Variants in SGSM2 observed in about 807,000 individuals in gnomAD.
SGSM2 encodes the protein small G protein signaling modulator 2.
In SGSM2, 89 loss-of-function variants were observed where a neutral mutation model predicts 126.6. The ratio of observed to expected loss-of-function variants is 0.70; its 90% CI spans 0.59 to 0.84. SGSM2 has a LOEUF of 0.84. Among genes scored for constraint, SGSM2 ranks in the 40% least tolerant of loss-of-function variants. The pLI is 0.00. For missense variants in SGSM2, 1,404 were observed against 1,416.6 expected (o/e 0.99, Z 0.14); for synonymous variants, 614 against 574.3 (o/e 1.07, Z -0.99).
intron 2 of SGSM2, among the ~76,000 whole-genome samples, chr17:2,352,540 T>C (rs1298711052): frequency 1.3e-5 from 2 of 152,254 alleles, no homozygotes; most frequent in East Asian, 3.9e-4. Context: ...CATGTTGAGT[T>C]GTGCTAACTC....
At chr17:2,366,131 G>A (rs369097753) in intron 11 of SGSM2, among the ~76,000 whole-genome samples, 1 of 152,194 alleles carries the variant, frequency 6.6e-6, no homozygotes, top group South Asian at 2.1e-4. Flanking sequence ...AGCGTTAGCT[G>A]AAGTAGCAGG....
At position 2,372,590 on chromosome 17, in the gene SGSM2, G is replaced by A; in HGVS notation, c.1788+102G>A. ...GCCAGTGGGTGCGGTTGACAGGCCA[G>A]GGCCGATGCCACGGAGTGACCAGGG... On this transcript the variant is annotated intron_variant, in intron 15 of 23. Coordinates refer to ENST00000268989, the MANE Select transcript of SGSM2 (RefSeq NM_014853.3). The surrounding 1 kb of genome is among the most constrained non-coding windows in gnomAD (Gnocchi z 6.0). 6.8e-7 allele frequency: 1 copy of A among 1,462,512 alleles called. No individual in the cohort carries two copies. Among genetic ancestry groups the A allele is most frequent in the Non-Finnish European group, 9.3e-7 (1 of 1,077,532 alleles). The allele number at this position is 1,462,512 out of a possible 1,614,324, so 90.6% of individuals were successfully genotyped here. A position where few individuals can be genotyped will look rare whatever the true frequency, so the allele number is the denominator to read the frequency against.
At chr17:2,378,083 C>T (rs2066261161) in intron 22 of SGSM2, 130 bp downstream of exon 22, 2 of 580,094 alleles carry the variant, frequency 3.4e-6, no homozygotes, top group Admixed American at 5.6e-5. Flanking sequence ...TGCCAGAACC[C>T]TGGCCCCACC....
intron 11 of SGSM2, among the ~76,000 whole-genome samples, chr17:2,365,709 C>A (rs1005525769): frequency 4.6e-5 from 7 of 151,960 alleles, no homozygotes; most frequent in African/African-American, 1.7e-4. Flanking sequence ...CTCCCCAACC[C>A]CTACAAGACA....
chr17:2,338,872 A>G (rs1288979200), intron 1 of SGSM2, among the ~76,000 whole-genome samples: 1 of 149,794 alleles, frequency 6.7e-6, no homozygotes, highest in Non-Finnish European at 1.5e-5. Flanking sequence ...CAGCCTGGCC[A>G]ATATAGTGAA....
Position 2,380,079 on chromosome 17 carries a change from C to T in SGSM2, c.*559C>T, listed in dbSNP as rs542125459. 58 of 1,405,144 alleles carry T rather than the reference C, an allele frequency of 4.1e-5. No homozygotes were observed. Among genetic ancestry groups the T allele is most frequent in the African/African-American group, 5.8e-5 (4 of 68,410 alleles). 87.0% of individuals were successfully genotyped at this position (1,405,144 alleles called of 1,614,324 possible). On this transcript the variant is annotated 3_prime_UTR_variant, in exon 24 of 24. Coordinates refer to ENST00000268989, the MANE Select transcript of SGSM2 (RefSeq NM_014853.3). The stretch of plus-strand genomic sequence containing the variant: ...CGGGAGACCCGGGCCGCCTTCAGGC[C>T]GCTCCCCCGAGATTCTGGGGCAGTC...
At position 2,373,532 on chromosome 17, in the gene SGSM2, G is replaced by A. The variant is rs201147427; in HGVS notation, c.2100+19G>A. On this transcript the variant is annotated intron_variant, in intron 17 of 23. Transcript: ENST00000268989. ...CAACGATGTGAGCCAGACGGGACCT[G>A]GAGGGTTGGGGGTCTCGGGGGCCAC... The A allele has an allele frequency of 1.2e-5, 19 of 1,583,890 alleles. No homozygotes were observed. The African/African-American group carries it at 1.3e-4, about 11-fold the overall frequency.
At chr17:2,342,271 A>G (rs928032781) in intron 1 of SGSM2, among the ~76,000 whole-genome samples, 1 of 151,570 alleles carries the variant, frequency 6.6e-6, no homozygotes. Flanking sequence ...CAAAAAAAAA[A>G]AAAAAAGCCA....
Position 2,373,097 on chromosome 17 carries a change from T to C in SGSM2, c.1917+16T>C, listed in dbSNP as rs1278462076. On this transcript the variant is annotated intron_variant, in intron 16 of 23. Transcript: ENST00000268989. ...GATGGAGCAGGTGAGGGGAGCCTGT[T>C]CCCATGGGGCTGATGAGATGGGGAG... The C allele has an allele frequency of 6.3e-7, 1 of 1,595,182 alleles. No individual in the cohort carries two copies. Among genetic ancestry groups the C allele is most frequent in the Non-Finnish European group, 8.5e-7 (1 of 1,172,508 alleles).
rs2064157143 is a variant in SGSM2, at chr17:2,337,954, G to C, written c.57+209G>C. 6.6e-6 allele frequency among the ~76,000 whole-genome samples: 1 copy of C among 152,016 alleles called. No individual in the cohort carries two copies. The highest frequency in any genetic ancestry group is 2.1e-4 in the South Asian group (1 of 4,832). The stretch of plus-strand genomic sequence containing the variant: ...CCGGGGGACCCGGCCGGCGCTCCCG[G>C]CTTGTTTGCTTCGCAGCCCCGCAGC... On this transcript the variant is annotated intron_variant, in intron 1 of 23. Transcript: ENST00000268989. This position sits in a 1 kb window ranked among gnomAD's most constrained non-coding sequence, Gnocchi z 5.1.
At position 2,380,725 on chromosome 17, in the gene SGSM2, C is replaced by G. The variant is rs569563983; in HGVS notation, c.*1205C>G. On this transcript the variant is annotated 3_prime_UTR_variant, in exon 24 of 24. Coordinates refer to ENST00000268989, the MANE Select transcript of SGSM2 (RefSeq NM_014853.3). ...TGCCCTGGAACATGGAGGCCCTGCCCGGGGCTGGGGCCTAGTCCAGCAGCC... is the reference window on the plus strand; with the variant it reads ...TGCCCTGGAACATGGAGGCCCTGCCGGGGGCTGGGGCCTAGTCCAGCAGCC... The G allele has an allele frequency of 8.8e-6, 2 of 227,734 alleles. No individual in the cohort carries two copies. The highest frequency in any genetic ancestry group is 5.8e-5 in the South Asian group (1 of 17,132). The allele number at this position is 227,734 out of a possible 1,614,324, so 14.1% of individuals were successfully genotyped here.
At chr17:2,341,565 A>C (rs1369117129) in intron 1 of SGSM2, among the ~76,000 whole-genome samples, 2 of 152,202 alleles carry the variant, frequency 1.3e-5, no homozygotes, top group East Asian at 3.8e-4. Flanking sequence ...GGTCTTGGGA[A>C]CCTGGACAGC....
At chr17:2,370,382 G>A (rs1029702636) in intron 12 of SGSM2, among the ~76,000 whole-genome samples, 9 of 152,232 alleles carry the variant, frequency 5.9e-5, no homozygotes, top group Non-Finnish European at 1.2e-4. Context: ...TTCTGATTCA[G>A]ACCGCCTGGG....
chr17:2,379,608 C>T lies in SGSM2; in HGVS notation c.*88C>T, dbSNP rs2066331993. On this transcript the variant is annotated 3_prime_UTR_variant, in exon 24 of 24. Coordinates refer to ENST00000268989, the MANE Select transcript of SGSM2 (RefSeq NM_014853.3). The stretch of plus-strand genomic sequence containing the variant: ...GTCACCGCCCAGACCTCCCCAGCCA[C>T]CAACCGACCCCACCTCTGTTCCTAA... The T allele has an allele frequency of 6.5e-7, 1 of 1,529,574 alleles. No homozygotes were observed. The highest frequency in any genetic ancestry group is 2.0e-5 in the Admixed American group (1 of 50,776). The allele number at this position is 1,529,574 out of a possible 1,614,324, so 94.8% of individuals were successfully genotyped here.
At chr17:2,343,237 G>T (rs2064456311) in intron 1 of SGSM2, among the ~76,000 whole-genome samples, 2 of 152,176 alleles carry the variant, frequency 1.3e-5, no homozygotes, top group African/African-American at 4.8e-5. Flanking sequence ...CCCTTCGTGA[G>T]CTGAGAACAG....
chr17:2,376,623 TG>T, intron 19 of SGSM2, 109 bp from the exon 20 acceptor site: 1 of 1,201,228 alleles, frequency 8.3e-7, no homozygotes, highest in Non-Finnish European at 1.2e-6. Flanking sequence ...CTTAGGGTCG[TG>T]GAAAGGCTGA....
chr17:2,359,601 C>G (rs1271659440), intron 2 of SGSM2, among the ~76,000 whole-genome samples: 2 of 152,128 alleles, frequency 1.3e-5, no homozygotes, highest in Non-Finnish European at 2.9e-5. Context: ...GGAATGCCTC[C>G]TCTCACCCGA....
chr17:2,340,380 G>A (rs1486394572), intron 1 of SGSM2, among the ~76,000 whole-genome samples: 1 of 151,582 alleles, frequency 6.6e-6, no homozygotes, highest in African/African-American at 2.4e-5. Flanking sequence ...GGGATTACAG[G>A]CATGAGCCAC....
rs1397938921 is a variant in SGSM2, at chr17:2,365,341, A to C, written c.1288A>C (p.Ile430Leu). The C allele has an allele frequency of 6.5e-7, 1 of 1,549,114 alleles. No individual in the cohort carries two copies. Among genetic ancestry groups the C allele is most frequent in the East Asian group, 2.4e-5 (1 of 41,576 alleles). Residue 430 changes from isoleucine (I) to leucine (L), a missense_variant and splice_region_variant, in exon 11 of 24, where the codon ATC (isoleucine) becomes CTC (leucine). Coordinates refer to ENST00000268989, the MANE Select transcript of SGSM2 (RefSeq NM_014853.3). ...CTACCCCGGCCACAGGCACGAGCAC[A>C]GTGAGTGTCCCGAGCTTCATCCCGG... ...IIYPGHRHEH[I>L]TINYHHLAAS...
Sources: allele counts gnomAD v4.1 joint callset (sites outside exome capture counted in the v4.1 genomes callset), GRCh38; gene constraint gnomAD v4.1.1; non-coding constraint Gnocchi (gnomAD v3.1); transcripts MANE v1.5; gene names NCBI Gene and HGNC (gene_info 2026-07-23, HGNC 2026-07-21).